ARB2A: variants seen among roughly 807,000 people sequenced by gnomAD.
ARB2A encodes ARB2 cotranscriptional regulator A.
the ARB2A span, among the ~76,000 whole-genome samples, chr5:94,079,661 G>A: frequency 9.3e-3 from 1,416 of 152,208 alleles, 22 homozygotes; most frequent in African/African-American, 0.033. Flanking sequence ...ATTACAATTT[G>A]GAGTTTGGGC....
the ARB2A span, among the ~76,000 whole-genome samples, chr5:93,871,179 T>A: frequency 6.6e-6 from 1 of 152,070 alleles, no homozygotes; most frequent in Non-Finnish European, 1.5e-5. Context: ...ACTTTGAGAG[T>A]TTTTTAATTC....
chr5:93,756,108 C>T, the ARB2A span, among the ~76,000 whole-genome samples: 5 of 152,120 alleles, frequency 3.3e-5, no homozygotes, highest in Non-Finnish European at 7.4e-5. Context: ...CCGGCTTTCC[C>T]CCACTTCCCT....
chr5:93,843,206 C>T, the ARB2A span, among the ~76,000 whole-genome samples: 1 of 152,106 alleles, frequency 6.6e-6, no homozygotes. Context: ...CTTAGAGATT[C>T]CAATTACTTT....
the ARB2A span, among the ~76,000 whole-genome samples, chr5:93,636,184 G>GCAC: frequency 3.9e-5 from 6 of 152,126 alleles, no homozygotes; most frequent in Admixed American, 3.9e-4. Flanking sequence ...ATCTTGCTTT[G>GCAC]TGGCCACTAG....
the ARB2A span, among the ~76,000 whole-genome samples, chr5:94,102,812 C>CT: frequency 6.6e-6 from 1 of 152,076 alleles, no homozygotes; most frequent in East Asian, 1.9e-4. Context: ...AGGCTAACAG[C>CT]TGACCTTTCA....
At chr5:93,809,163 G>T in the ARB2A span, among the ~76,000 whole-genome samples, 3 of 151,964 alleles carry the variant, frequency 2.0e-5, no homozygotes, top group Non-Finnish European at 4.4e-5. Context: ...GTCCTCTACT[G>T]TACAGTTCAC....
At chr5:93,625,597 C>T in the ARB2A span, among the ~76,000 whole-genome samples, 21 of 152,174 alleles carry the variant, frequency 1.4e-4, no homozygotes, top group African/African-American at 5.1e-4. Context: ...TGACTTATCA[C>T]TTGTTTTAAA....
the ARB2A span, among the ~76,000 whole-genome samples, chr5:93,763,744 A>AT: frequency 2.6e-5 from 4 of 151,960 alleles, no homozygotes; most frequent in South Asian, 2.1e-4. Flanking sequence ...CAGAATATAC[A>AT]TTTTTTTTCA....
the ARB2A span, among the ~76,000 whole-genome samples, chr5:93,718,340 G>A: frequency 6.6e-6 from 1 of 152,036 alleles, no homozygotes; most frequent in African/African-American, 2.4e-5. Context: ...TCGGGAGGCT[G>A]AGGCAGGAGA....
the ARB2A span, among the ~76,000 whole-genome samples, chr5:93,888,129 C>T: frequency 6.6e-6 from 1 of 151,872 alleles, no homozygotes; most frequent in African/African-American, 2.4e-5. Context: ...GGTTTTAGAA[C>T]ATTATGTTGC....
chr5:93,652,503 G>A, the ARB2A span, among the ~76,000 whole-genome samples: 1 of 152,076 alleles, frequency 6.6e-6, no homozygotes, highest in African/African-American at 2.4e-5. Flanking sequence ...AGAATCTTTA[G>A]GAAATTGGTT....
the ARB2A span, among the ~76,000 whole-genome samples, chr5:93,689,769 C>A: frequency 6.6e-6 from 1 of 151,894 alleles, no homozygotes; most frequent in Non-Finnish European, 1.5e-5. Flanking sequence ...CTCAGCTCAC[C>A]ACAACTTCTG....
the ARB2A span, among the ~76,000 whole-genome samples, chr5:93,935,363 T>C: frequency 6.6e-6 from 1 of 152,026 alleles, no homozygotes; most frequent in African/African-American, 2.4e-5. Context: ...TGAAGGGAAT[T>C]TTGGGCAAAC....
chr5:93,795,069 A>T, the ARB2A span, among the ~76,000 whole-genome samples: 15 of 152,056 alleles, frequency 9.9e-5, no homozygotes, highest in African/African-American at 3.6e-4. Flanking sequence ...AAGGACCACA[A>T]GGTGGGGGTA....
At chr5:93,707,576 CTTTTT>C in the ARB2A span, among the ~76,000 whole-genome samples, 1 of 138,064 alleles carries the variant, frequency 7.2e-6, no homozygotes, top group Non-Finnish European at 1.6e-5. Context: ...TTTTTTCTTT[CTTTTT>C]TTTTTTTTTT....
At chr5:93,658,691 GA>G in the ARB2A span, among the ~76,000 whole-genome samples, 1 of 152,060 alleles carries the variant, frequency 6.6e-6, no homozygotes, top group Non-Finnish European at 1.5e-5. Context: ...CTTTTCAGAT[GA>G]GCTTATATGT....
chr5:93,634,396 C>CAAA, the ARB2A span, among the ~76,000 whole-genome samples: 4 of 142,362 alleles, frequency 2.8e-5, no homozygotes, highest in African/African-American at 1.0e-4. Context: ...GACACTGTCT[C>CAAA]AAAAAAAAAC....
chr5:93,762,272 G>A, the ARB2A span, among the ~76,000 whole-genome samples: 4 of 152,100 alleles, frequency 2.6e-5, no homozygotes, highest in African/African-American at 7.2e-5. Flanking sequence ...GAGGAAGTTC[G>A]AATCCAAGGC....
chr5:93,969,137 TC>T, the ARB2A span, among the ~76,000 whole-genome samples: 1 of 148,554 alleles, frequency 6.7e-6, no homozygotes, highest in South Asian at 2.1e-4. Flanking sequence ...AACAGGAGAG[TC>T]AGACAAGAAA....
Sources: gnomAD v4.1 joint callset for allele counts (sites outside exome capture counted in the v4.1 genomes callset) on GRCh38, gnomAD v4.1.1 for gene constraint, MANE v1.5 for transcripts, NCBI Gene and HGNC (gene_info 2026-07-23, HGNC 2026-07-21) for gene names.